LTBP1: variants seen among roughly 807,000 people sequenced by gnomAD.
LTBP1 encodes latent transforming growth factor beta binding protein 1, also known as latent-transforming growth factor beta-binding protein 1.
In LTBP1, 129 loss-of-function variants were observed where a neutral mutation model predicts 207.6. That is an observed-to-expected ratio of 0.62 (90% CI 0.54 to 0.72). The LOEUF is 0.72. Ranked by LOEUF, LTBP1 falls within the 30% of genes least tolerant of loss-of-function variation. LTBP1 has a pLI of 0.00. For synonymous variants in LTBP1, 963 were observed against 833.7 expected (o/e 1.16, Z -2.67); for missense variants, 2,281 against 2,217.2 (o/e 1.03, Z -0.58).
intron 5 of LTBP1, among the ~76,000 whole-genome samples, chr2:33,150,051 A>C (rs749949561): frequency 6.6e-6 from 1 of 152,238 alleles, no homozygotes; most frequent in Non-Finnish European, 1.5e-5. Context: ...TTGAAAAAAG[A>C]AAAACCTCTT....
chr2:33,123,130 G>A (rs2081242810), intron 4 of LTBP1, among the ~76,000 whole-genome samples: 1 of 152,202 alleles, frequency 6.6e-6, no homozygotes, highest in Admixed American at 6.5e-5. Context: ...AGAGGAGTGG[G>A]TGGGTCAGTT....
At chr2:33,279,528 C>A (rs2093515602) in intron 18 of LTBP1, among the ~76,000 whole-genome samples, 1 of 151,492 alleles carries the variant, frequency 6.6e-6, no homozygotes, top group Non-Finnish European at 1.5e-5. Context: ...TTTTTTTCCA[C>A]CTCCAAGGAA....
intron 23 of LTBP1, among the ~76,000 whole-genome samples, chr2:33,312,119 T>C (rs1050226268): frequency 6.6e-6 from 1 of 152,208 alleles, no homozygotes; most frequent in Non-Finnish European, 1.5e-5. Context: ...TTTTGTGATC[T>C]TTCACTCTGC....
At chr2:33,248,052 C>T (rs1044116247) in intron 10 of LTBP1, among the ~76,000 whole-genome samples, 3 of 152,190 alleles carry the variant, frequency 2.0e-5, no homozygotes, top group Non-Finnish European at 4.4e-5. Flanking sequence ...CCGTTCTTTT[C>T]TTTCTACCTT....
At chr2:33,207,338 C>T (rs1483395115) in intron 7 of LTBP1, among the ~76,000 whole-genome samples, 1 of 152,014 alleles carries the variant, frequency 6.6e-6, no homozygotes, top group Admixed American at 6.5e-5. Context: ...AACAAATACA[C>T]TGTCAGAAAT....
At position 33,252,852 on chromosome 2, in the gene LTBP1, A is replaced by G. The variant is rs1442880520; in HGVS notation, c.2167+8A>G. On this transcript the variant is annotated splice_region_variant and intron_variant, in intron 11 of 33. Transcript: ENST00000404816. ...GTCCCCTTCCAGGCACAGGTAAGAC[A>G]TGCCCAGCTGTATGCGCACATAGAT... 1.3e-6 allele frequency: 2 copies of G among 1,596,178 alleles called. No homozygotes were observed. Among genetic ancestry groups the G allele is most frequent in the African/African-American group, 1.3e-5 (1 of 74,760 alleles).
At chr2:33,164,210 GT>G (rs2084717288) in intron 5 of LTBP1, among the ~76,000 whole-genome samples, 1 of 151,728 alleles carries the variant, frequency 6.6e-6, no homozygotes, top group South Asian at 2.1e-4. Flanking sequence ...TTAGCTGGGT[GT>G]GGTGGTGCAT....
At chr2:33,298,567 AG>A (rs1231448984) in intron 20 of LTBP1, among the ~76,000 whole-genome samples, 3 of 152,256 alleles carry the variant, frequency 2.0e-5, no homozygotes, top group African/African-American at 7.2e-5. Context: ...AGTATTTTAT[AG>A]AATGTGCTAA....
chr2:33,176,228 C>CTATT (rs1348666558), intron 5 of LTBP1, among the ~76,000 whole-genome samples: 1 of 151,212 alleles, frequency 6.6e-6, no homozygotes, highest in Admixed American at 6.6e-5. Flanking sequence ...ATTAATTAAT[C>CTATT]TATTTATTTA....
chr2:33,284,514 G>A (rs2093625502), intron 19 of LTBP1, among the ~76,000 whole-genome samples: 1 of 152,116 alleles, frequency 6.6e-6, no homozygotes, highest in African/African-American at 2.4e-5. Context: ...TGGAGTTGCT[G>A]CCCACTCGAT....
At chr2:33,155,410 T>C (rs939502859) in intron 5 of LTBP1, among the ~76,000 whole-genome samples, 1 of 152,224 alleles carries the variant, frequency 6.6e-6, no homozygotes, top group Non-Finnish European at 1.5e-5. Context: ...GCTTCTCTGA[T>C]AGATTGGAGT....
chr2:33,187,306 G>T (rs1452831652), intron 6 of LTBP1, among the ~76,000 whole-genome samples: 1 of 152,172 alleles, frequency 6.6e-6, no homozygotes, highest in Non-Finnish European at 1.5e-5. Context: ...AAATAAAAAG[G>T]AGCCCATTCT....
chr2:33,232,471 C>A (rs1176260316), intron 9 of LTBP1, among the ~76,000 whole-genome samples: 1 of 152,090 alleles, frequency 6.6e-6, no homozygotes, highest in East Asian at 1.9e-4. Context: ...CAGGTATTGT[C>A]AAAGGTGTAC....
chr2:32,965,565 G>T (rs1469190957), intron 2 of LTBP1, among the ~76,000 whole-genome samples: 1 of 152,098 alleles, frequency 6.6e-6, no homozygotes, highest in Non-Finnish European at 1.5e-5. Flanking sequence ...ACAAATAGTT[G>T]AGATCATACT....
chr2:33,004,816 A>ATATATATATATATAT (rs1558501569), intron 2 of LTBP1, among the ~76,000 whole-genome samples: 49 of 72,026 alleles, frequency 6.8e-4, no homozygotes, highest in East Asian at 1.2e-3. Context: ...TATATATATA[A>ATATATATATATATAT]ACATAAAATT....
chr2:33,211,492 G>T (rs1481597606), intron 7 of LTBP1, among the ~76,000 whole-genome samples: 1 of 152,170 alleles, frequency 6.6e-6, no homozygotes, highest in Non-Finnish European at 1.5e-5. Context: ...TTGGGGTTGG[G>T]ATTACTGGCT....
intron 19 of LTBP1, among the ~76,000 whole-genome samples, chr2:33,285,425 G>A (rs1372259916): frequency 2.7e-5 from 4 of 149,786 alleles, no homozygotes; most frequent in Non-Finnish European, 4.4e-5. Flanking sequence ...TGTCATTGGA[G>A]CATTCTCTTT....
chr2:33,235,020 CA>C (rs2091973895), intron 9 of LTBP1, among the ~76,000 whole-genome samples: 1 of 152,082 alleles, frequency 6.6e-6, no homozygotes, highest in African/African-American at 2.4e-5. Context: ...ACACCAAAAG[CA>C]ATGGCAAAAA....
At chr2:33,161,084 T>G (rs1434603131) in intron 5 of LTBP1, among the ~76,000 whole-genome samples, 3 of 152,142 alleles carry the variant, frequency 2.0e-5, no homozygotes, top group Non-Finnish European at 4.4e-5. Flanking sequence ...TTGAGAAGAA[T>G]ACTACATGTC....
Sources: gnomAD v4.1 joint callset for allele counts (sites outside exome capture counted in the v4.1 genomes callset) on GRCh38, gnomAD v4.1.1 for gene constraint, MANE v1.5 for transcripts, NCBI Gene and HGNC (gene_info 2026-07-23, HGNC 2026-07-21) for gene names.